Variants in EYA1 observed in about 807,000 individuals in gnomAD.
EYA1 encodes EYA transcriptional coactivator and phosphatase 1.
A neutral mutation model predicts 82.0 loss-of-function variants in EYA1; 16 were observed. That is an observed-to-expected ratio of 0.20 (90% CI 0.13 to 0.30). The LOEUF is 0.30. Among genes scored for constraint, EYA1 ranks in the 10% least tolerant of loss-of-function variants. EYA1 has a pLI of 1.00. For missense variants in EYA1, 633 were observed against 730.7 expected (o/e 0.87, Z 1.54); for synonymous variants, 261 against 264.4 (o/e 0.99, Z 0.12).
At chr8:71,262,755 A>G (rs1192686965) in intron 11 of EYA1, among the ~76,000 whole-genome samples, 1 of 152,232 alleles carries the variant, frequency 6.6e-6, no homozygotes, top group Admixed American at 6.5e-5. Context: ...TGTTAAAGGA[A>G]AAGAGAGAAA....
chr8:71,325,424 A>G (rs1160318870), intron 4 of EYA1, among the ~76,000 whole-genome samples: 1 of 152,186 alleles, frequency 6.6e-6, no homozygotes, highest in African/African-American at 2.4e-5. Context: ...TCTGCTAACT[A>G]TGGGCTTCTG....
At chr8:71,535,007 T>C (rs995360002) in intron 2 of EYA1, among the ~76,000 whole-genome samples, 2 of 152,076 alleles carry the variant, frequency 1.3e-5, no homozygotes, top group South Asian at 2.1e-4. Flanking sequence ...TGTAAAGTCA[T>C]GGATGCTGCC....
At chr8:71,213,770 C>G (rs1445135197) in intron 16 of EYA1, among the ~76,000 whole-genome samples, 1 of 152,182 alleles carries the variant, frequency 6.6e-6, no homozygotes, top group Non-Finnish European at 1.5e-5. Context: ...AAAAATAAAA[C>G]CTGATTTCCC....
At chr8:71,423,551 T>C (rs1248472776) in intron 2 of EYA1, among the ~76,000 whole-genome samples, 2 of 152,230 alleles carry the variant, frequency 1.3e-5, no homozygotes, top group Non-Finnish European at 2.9e-5. Context: ...AGTTATTTCA[T>C]TGTCTTTCTT....
chr8:71,362,555 A>G (rs1002779422), upstream of EYA1, among the ~76,000 whole-genome samples: 4 of 152,194 alleles, frequency 2.6e-5, no homozygotes, highest in African/African-American at 4.8e-5. Flanking sequence ...GAAATAAAAA[A>G]CTAGAATGGC....
In EYA1 at chr8:71,322,100, T is replaced by A. The variant is rs75686418; in HGVS notation, c.272+99A>T. The A allele has an allele frequency of 5.2e-3, 6,315 of 1,221,338 alleles. 242 individuals are homozygous for A. The African/African-American group carries it at 0.082, about 16-fold the overall frequency. The allele number at this position is 1,221,338 out of a possible 1,614,324, so 75.7% of individuals were successfully genotyped here. On this transcript the variant is annotated intron_variant, in intron 5 of 17. Coordinates refer to ENST00000340726, the MANE Select transcript of EYA1 (RefSeq NM_000503.6). The stretch of plus-strand genomic sequence containing the variant: ...TACATCTCTATGAAATGCACTTTCA[T>A]TTAAATTAAGATGGAACATGTGGGC...
chr8:71,468,933 A>G (rs1330923074), intron 2 of EYA1, among the ~76,000 whole-genome samples: 1 of 152,144 alleles, frequency 6.6e-6, no homozygotes, highest in African/African-American at 2.4e-5. Context: ...CCAAATATTC[A>G]TAAACTTTCA....
intron 1 of EYA1, among the ~76,000 whole-genome samples, chr8:71,536,932 A>G (rs1814754566): frequency 6.6e-6 from 1 of 152,252 alleles, no homozygotes. Context: ...TCTAATCTGG[A>G]AAATGAGAAA....
chr8:71,207,671 C>T lies in EYA1; in HGVS notation c.1698+3485G>A, dbSNP rs574778749. Among the ~76,000 whole-genome samples, 397 of 151,992 alleles carry T rather than the reference C, an allele frequency of 2.6e-3. 1 individual carries two copies. Among genetic ancestry groups the T allele is most frequent in the Non-Finnish European group, 4.5e-3 (304 of 67,972 alleles). ...CCCTATATTAAAAAAAAGACATGTC[C>T]AAAGATAAACAGTGGAAACAATCTT... On this transcript the variant is annotated intron_variant, in intron 17 of 17. Transcript: ENST00000340726.
At chr8:71,223,214 T>C (rs1298237059) in intron 12 of EYA1, among the ~76,000 whole-genome samples, 2 of 152,080 alleles carry the variant, frequency 1.3e-5, no homozygotes, top group Non-Finnish European at 2.9e-5. Flanking sequence ...GGAAAACGGA[T>C]TAGGCCACCG....
At chr8:71,493,227 G>A (rs575461319) in intron 2 of EYA1, among the ~76,000 whole-genome samples, 3 of 152,266 alleles carry the variant, frequency 2.0e-5, no homozygotes, top group African/African-American at 7.2e-5. Context: ...ATGAACATAT[G>A]TGTGTGTGTG....
At chr8:71,285,672 C>A (rs1182173810) in intron 9 of EYA1, among the ~76,000 whole-genome samples, 1 of 152,190 alleles carries the variant, frequency 6.6e-6, no homozygotes, top group African/African-American at 2.4e-5. Flanking sequence ...TGCATATTAA[C>A]CCAAAAGGCT....
At chr8:71,222,748 TGA>T (rs1810088467) in intron 12 of EYA1, among the ~76,000 whole-genome samples, 1 of 152,140 alleles carries the variant, frequency 6.6e-6, no homozygotes, top group South Asian at 2.1e-4. Context: ...CTAAATAATG[TGA>T]GATAAATGCT....
At chr8:71,312,461 T>G (rs920928077) in intron 7 of EYA1, among the ~76,000 whole-genome samples, 4 of 152,238 alleles carry the variant, frequency 2.6e-5, no homozygotes, top group Non-Finnish European at 4.4e-5. Flanking sequence ...TAGTTAGTTT[T>G]TTGAAAACAC....
chr8:71,396,209 T>C, intron 2 of EYA1, among the ~76,000 whole-genome samples: 1 of 152,164 alleles, frequency 6.6e-6, no homozygotes. Context: ...TTTCTAGCGG[T>C]CTATTAATTT....
At chr8:71,379,145 A>G (rs1828547413) in intron 2 of EYA1, among the ~76,000 whole-genome samples, 1 of 152,112 alleles carries the variant, frequency 6.6e-6, no homozygotes, top group Admixed American at 6.5e-5. Flanking sequence ...TGTGAGGATG[A>G]GGAGGCCACA....
chr8:71,360,087 T>G (rs1019658261), intron 1 of EYA1, among the ~76,000 whole-genome samples: 2 of 152,004 alleles, frequency 1.3e-5, no homozygotes, highest in Admixed American at 1.3e-4. Context: ...GTTAACACTA[T>G]ATTTCCTTCT....
intron 2 of EYA1, among the ~76,000 whole-genome samples, chr8:71,410,126 A>C (rs1830504692): frequency 6.6e-6 from 1 of 151,612 alleles, no homozygotes; most frequent in African/African-American, 2.4e-5. Context: ...AAAGACAAAA[A>C]CCACATGATT....
At chr8:71,275,527 A>C (rs1389901158) in intron 9 of EYA1, among the ~76,000 whole-genome samples, 2 of 152,158 alleles carry the variant, frequency 1.3e-5, no homozygotes, top group African/African-American at 4.8e-5. Context: ...TAAGGAAATG[A>C]GTGTTGTTAA....
Sources: allele counts gnomAD v4.1 joint callset (sites outside exome capture counted in the v4.1 genomes callset), GRCh38; gene constraint gnomAD v4.1.1; transcripts MANE v1.5; gene names NCBI Gene and HGNC (gene_info 2026-07-23, HGNC 2026-07-21).